DPP6: variants seen among roughly 807,000 people sequenced by gnomAD.
DPP6 encodes dipeptidyl peptidase like 6, also known as A-type potassium channel modulatory protein DPP6.
A neutral mutation model predicts 122.6 loss-of-function variants in DPP6; 69 were observed. The observed-to-expected ratio is 0.56, with a 90% CI of 0.46 to 0.69. DPP6 has a LOEUF of 0.69. Among genes scored for constraint, DPP6 ranks in the 30% least tolerant of loss-of-function variants. The probability of loss-of-function intolerance (pLI) is 0.00; values close to 1 mark genes in which losing one functional copy is unlikely to be tolerated. For synonymous variants in DPP6, 418 were observed against 433.1 expected (o/e 0.97, Z 0.43); for missense variants, 928 against 1,116.9 (o/e 0.83, Z 2.41).
chr7:153,849,275 C>CT, the DPP6 span, among the ~76,000 whole-genome samples: 16,453 of 146,642 alleles, frequency 0.11, 1,012 homozygotes, highest in Middle Eastern at 0.18. Flanking sequence ...TATATGTTTT[C>CT]TTTTTTTTTT....
At chr7:154,801,038 G>A (rs1010949748) in intron 12 of DPP6, among the ~76,000 whole-genome samples, 3 of 151,732 alleles carry the variant, frequency 2.0e-5, no homozygotes, top group African/African-American at 7.3e-5. Flanking sequence ...CAGAGTTCCT[G>A]TTCTCACTGG....
At chr7:154,214,652 C>A (rs1368596104) in intron 1 of DPP6, among the ~76,000 whole-genome samples, 1 of 152,200 alleles carries the variant, frequency 6.6e-6, no homozygotes, top group Non-Finnish European at 1.5e-5. Flanking sequence ...CATGGTGGCT[C>A]ACACCTGTAA....
chr7:154,485,762 G>T (rs73726898), intron 3 of DPP6, among the ~76,000 whole-genome samples: 12,692 of 152,140 alleles, frequency 0.083, 1,557 homozygotes, highest in African/African-American at 0.27. Context: ...AGTTACTTCA[G>T]TTCAGTCTTC....
intron 3 of DPP6, among the ~76,000 whole-genome samples, chr7:154,477,706 C>T (rs932117693): frequency 6.6e-6 from 1 of 152,112 alleles, no homozygotes; most frequent in African/African-American, 2.4e-5. Flanking sequence ...TCTTTATATC[C>T]GCAAAGCTGG....
At chr7:154,260,725 A>G (rs1019493798) in intron 1 of DPP6, among the ~76,000 whole-genome samples, 3 of 147,760 alleles carry the variant, frequency 2.0e-5, no homozygotes, top group African/African-American at 7.4e-5. Context: ...GTATATATAA[A>G]ATACATATAT....
intron 5 of DPP6, among the ~76,000 whole-genome samples, chr7:154,608,816 C>G (rs1000304417): frequency 6.6e-6 from 1 of 152,186 alleles, no homozygotes; most frequent in Non-Finnish European, 1.5e-5. Flanking sequence ...TCGTTGACAA[C>G]TACCCCTCCC....
At chr7:154,314,949 G>A (rs1441690466) in intron 1 of DPP6, among the ~76,000 whole-genome samples, 1 of 152,170 alleles carries the variant, frequency 6.6e-6, no homozygotes, top group African/African-American at 2.4e-5. Flanking sequence ...ACCTACTGCG[G>A]TTTTTCCTCT....
At chr7:154,670,797 C>T (rs1485430677) in intron 7 of DPP6, among the ~76,000 whole-genome samples, 2 of 152,228 alleles carry the variant, frequency 1.3e-5, no homozygotes, top group Non-Finnish European at 2.9e-5. Flanking sequence ...TATTTCTCCC[C>T]ATAGTACAAT....
At chr7:154,822,874 G>A (rs1007533951) in intron 16 of DPP6, among the ~76,000 whole-genome samples, 53 of 152,258 alleles carry the variant, frequency 3.5e-4, no homozygotes, top group African/African-American at 1.0e-3. Flanking sequence ...CTCCACTGGC[G>A]TGTAGTTCAG....
chr7:154,206,240 G>A (rs982940584), intron 1 of DPP6, among the ~76,000 whole-genome samples: 5 of 151,982 alleles, frequency 3.3e-5, no homozygotes, highest in East Asian at 1.9e-4. Flanking sequence ...AACCAGCACC[G>A]TGGCTCTCAT....
chr7:154,309,471 C>G (rs1806665081), intron 1 of DPP6, among the ~76,000 whole-genome samples: 1 of 152,138 alleles, frequency 6.6e-6, no homozygotes. Context: ...ATAGAACGGA[C>G]ATTGAAATGC....
chr7:154,452,481 C>G (rs1189362142), intron 2 of DPP6, among the ~76,000 whole-genome samples: 2 of 152,220 alleles, frequency 1.3e-5, no homozygotes, highest in Non-Finnish European at 2.9e-5. Context: ...CGTTCCTACC[C>G]AACATTGCTT....
intron 1 of DPP6, among the ~76,000 whole-genome samples, chr7:153,995,012 TTTTACATTTATAAGTAA>T (rs1479579147): frequency 1.3e-5 from 2 of 152,356 alleles, no homozygotes; most frequent in African/African-American, 2.4e-5. Context: ...GTACAATGTC[TTTTACATTTATAAGTAA>T]ATAATTGAGG....
the DPP6 span, among the ~76,000 whole-genome samples, chr7:153,850,355 C>A: frequency 6.6e-6 from 1 of 152,110 alleles, no homozygotes; most frequent in Non-Finnish European, 1.5e-5. Context: ...ACCTTCTTTC[C>A]CATGTGGGCT....
intron 17 of DPP6, among the ~76,000 whole-genome samples, chr7:154,864,740 G>A (rs1464794153): frequency 6.6e-6 from 1 of 152,140 alleles, no homozygotes; most frequent in Non-Finnish European, 1.5e-5. Flanking sequence ...CTGTTGCTTT[G>A]GTGCTTTCCT....
chr7:154,029,532 GA>G (rs1172617582), intron 1 of DPP6, among the ~76,000 whole-genome samples: 2 of 144,356 alleles, frequency 1.4e-5, no homozygotes, highest in East Asian at 4.3e-4. Flanking sequence ...AAAAAAGAAA[GA>G]AATTGCCTTA....
At chr7:154,688,020 C>T (rs373726615) in intron 7 of DPP6, among the ~76,000 whole-genome samples, 4 of 152,226 alleles carry the variant, frequency 2.6e-5, no homozygotes, top group Admixed American at 6.5e-5. Flanking sequence ...GTGTTCCACT[C>T]ATCTTTTGTC....
chr7:154,067,592 G>C (rs71532603), intron 1 of DPP6, among the ~76,000 whole-genome samples: 10,231 of 152,196 alleles, frequency 0.067, 433 homozygotes, highest in Middle Eastern at 0.17. Flanking sequence ...CTTTTGCATG[G>C]GGCTCAGGCC....
intron 1 of DPP6, among the ~76,000 whole-genome samples, chr7:154,147,092 G>T (rs998824103): frequency 6.6e-6 from 1 of 152,058 alleles, no homozygotes. Context: ...GAAAAAACAG[G>T]GAATCCACTA....
Sources: allele counts gnomAD v4.1 joint callset (sites outside exome capture counted in the v4.1 genomes callset), GRCh38; gene constraint gnomAD v4.1.1; transcripts MANE v1.5; gene names NCBI Gene and HGNC (gene_info 2026-07-23, HGNC 2026-07-21).